The following STK3 variants were observed in gnomAD, a reference collection of about 807,000 sequenced individuals.
STK3 encodes serine/threonine kinase 3.
Under a neutral mutation model 58.0 loss-of-function variants are expected in STK3, and 41 were observed. That is an observed-to-expected ratio of 0.71 (90% CI 0.55 to 0.92). The LOEUF (loss-of-function observed/expected upper bound fraction) is 0.92, where lower values mean the gene tolerates loss of function less well. Ranked by LOEUF, STK3 falls within the 40% of genes least tolerant of loss-of-function variation. The pLI, the probability that STK3 is intolerant of heterozygous loss-of-function variation, is 0.00. For missense variants in STK3, 479 were observed against 602.7 expected, an observed-to-expected ratio of 0.79 and a Z score of 2.15; for synonymous variants, 170 against 191.0, an observed-to-expected ratio of 0.89 and a Z score of 0.91.
intron 1 of STK3, among the ~76,000 whole-genome samples, chr8:98,811,185 G>A (rs1834193594): frequency 6.6e-6 from 1 of 152,184 alleles, no homozygotes; most frequent in African/African-American, 2.4e-5. Context: ...TGGCAAGAGT[G>A]CTAACCCAGC....
At chr8:98,792,136 A>G (rs1006965665) in intron 1 of STK3, among the ~76,000 whole-genome samples, 1 of 152,230 alleles carries the variant, frequency 6.6e-6, no homozygotes, top group African/African-American at 2.4e-5. Context: ...CCCATCAAAA[A>G]GTGGGCTAAG....
At position 98,765,677 on chromosome 8, in the gene STK3, C is replaced by T. The variant is rs1457546805; in HGVS notation, c.236+1566G>A. 2.0e-5 allele frequency among the ~76,000 whole-genome samples: 3 copies of T among 152,130 alleles called. No homozygotes were observed. In the East Asian group the frequency reaches 5.8e-4, roughly 29 times the overall value. ...TGGGGCTGTAGCAGCCCTGTTGTAG[C>T]CATGAGATAATAAGCATGAGGACAA... is the stretch of plus-strand genomic sequence containing the variant. On this transcript the variant is annotated intron_variant, in intron 3 of 10. Coordinates refer to ENST00000419617, the MANE Select transcript of STK3 (RefSeq NM_006281.4).
intron 1 of STK3, among the ~76,000 whole-genome samples, chr8:98,779,719 A>G (rs1563992609): frequency 6.6e-6 from 1 of 152,174 alleles, no homozygotes; most frequent in Non-Finnish European, 1.5e-5. Flanking sequence ...GGGATTCTCA[A>G]CCTGAATAAA....
rs1825767814 is a variant in STK3 at position 98,526,740 on chromosome 8, ACAAAGT to A, written c.1313_1317+1del. 2 of 1,546,752 alleles carry A rather than the reference ACAAAGT, an allele frequency of 1.3e-6. No homozygotes were observed. The highest frequency in any genetic ancestry group is 4.5e-5 in the East Asian group (2 of 44,044). On this transcript the variant is annotated splice_donor_variant and coding_sequence_variant, in exon 10 of 11. Transcript: ENST00000419617. LOFTEE classifies it high-confidence loss of function. ...TAAATTGAAGAATTAAAATGTACTTACAAAGTCAAAGTCTCCATCTTGAGGAACTTT... is the reference window on the plus strand; with the variant it reads ...TAAATTGAAGAATTAAAATGTACTTACAAAGTCTCCATCTTGAGGAACTTT...
intron 10 of STK3, among the ~76,000 whole-genome samples, chr8:98,475,219 T>C (rs183788340): frequency 6.6e-6 from 1 of 152,284 alleles, no homozygotes; most frequent in African/African-American, 2.4e-5. Context: ...ATGGTTGACA[T>C]CTTAATGCTG....
At chr8:98,592,653 T>C (rs758806188) in intron 7 of STK3, among the ~76,000 whole-genome samples, 79 of 152,198 alleles carry the variant, frequency 5.2e-4, no homozygotes, top group Non-Finnish European at 8.8e-4. Flanking sequence ...TTTACAGTTG[T>C]TTGAAGTTGT....
chr8:98,380,363 C>T (rs1196799591), intron 1 of STK3, among the ~76,000 whole-genome samples: 1 of 152,082 alleles, frequency 6.6e-6, no homozygotes, highest in Admixed American at 6.5e-5. Context: ...TCTTATTACC[C>T]AGAGATAACC....
At chr8:98,473,025 A>G (rs369821450) in intron 10 of STK3, among the ~76,000 whole-genome samples, 16 of 152,292 alleles carry the variant, frequency 1.1e-4, no homozygotes, top group African/African-American at 3.8e-4. Context: ...AGTGCCTTCA[A>G]AAATTTGTTA....
intron 6 of STK3, among the ~76,000 whole-genome samples, chr8:98,697,953 G>C (rs1299158892): frequency 2.0e-5 from 3 of 152,186 alleles, no homozygotes; most frequent in African/African-American, 7.2e-5. Flanking sequence ...GTCTAATGTT[G>C]ACAGTGGGGT....
At chr8:98,866,094 C>T (rs1048519788) in intron 3 of STK3, among the ~76,000 whole-genome samples, 7 of 152,254 alleles carry the variant, frequency 4.6e-5, no homozygotes, top group African/African-American at 1.7e-4. Flanking sequence ...CCATCATGCT[C>T]AGATCTCTCA....
At chr8:98,425,771 C>T (rs74664723) in intron 3 of STK3, among the ~76,000 whole-genome samples, 60 of 152,336 alleles carry the variant, frequency 3.9e-4, no homozygotes, top group Non-Finnish European at 6.3e-4. Context: ...TCAGCTGGGA[C>T]GGCATTGCCA....
chr8:98,467,869 T>C (rs899162214), intron 10 of STK3, among the ~76,000 whole-genome samples: 1 of 152,204 alleles, frequency 6.6e-6, no homozygotes, highest in Non-Finnish European at 1.5e-5. Flanking sequence ...TTCTTACTAA[T>C]GTCACAATTT....
chr8:98,566,592 T>TA (rs1336100538), intron 8 of STK3, among the ~76,000 whole-genome samples: 1 of 152,128 alleles, frequency 6.6e-6, no homozygotes, highest in Non-Finnish European at 1.5e-5. Flanking sequence ...CTACATTATC[T>TA]AAAAAGTTAG....
At chr8:98,825,359 C>T (rs746160110) in intron 1 of STK3, among the ~76,000 whole-genome samples, 156 bp downstream of exon 1, 185 of 152,154 alleles carry the variant, frequency 1.2e-3, no homozygotes, top group South Asian at 2.3e-3. Flanking sequence ...CGTGGACAGA[C>T]GCGGCGGGAC....
chr8:98,573,859 G>A (rs1160370440), intron 8 of STK3, among the ~76,000 whole-genome samples: 1 of 151,918 alleles, frequency 6.6e-6, no homozygotes, highest in Non-Finnish European at 1.5e-5. Context: ...GAAGCCTGAG[G>A]AGGCTTCAGG....
chr8:98,393,030 T>TG (rs1164638536), upstream of STK3, among the ~76,000 whole-genome samples: 1 of 152,166 alleles, frequency 6.6e-6, no homozygotes, highest in African/African-American at 2.4e-5. Context: ...CATTTCTCTC[T>TG]GAGGGGGAGT....
At chr8:98,697,216 T>C (rs1244013505) in intron 6 of STK3, among the ~76,000 whole-genome samples, 1 of 152,218 alleles carries the variant, frequency 6.6e-6, no homozygotes, top group East Asian at 1.9e-4. Flanking sequence ...ACCTTTATCA[T>C]TTTTTATTGT....
intron 1 of STK3, chr8:98,905,600 TGC>T (rs1053739902): frequency 1.2e-5 from 12 of 1,012,006 alleles, no homozygotes; most frequent in Non-Finnish European, 1.6e-5. Context: ...CCTTCCCTAC[TGC>T]TTGAAAAGAG....
chr8:98,727,504 T>C (rs1451831212), intron 4 of STK3, among the ~76,000 whole-genome samples: 1 of 152,200 alleles, frequency 6.6e-6, no homozygotes, highest in African/African-American at 2.4e-5. Context: ...TAACCAAAAG[T>C]TGAAACTGAT....
Sources: allele counts gnomAD v4.1 joint callset (sites outside exome capture counted in the v4.1 genomes callset), GRCh38; gene constraint gnomAD v4.1.1; transcripts MANE v1.5; gene names NCBI Gene and HGNC (gene_info 2026-07-23, HGNC 2026-07-21).